LYPD6B: variants seen among roughly 807,000 people sequenced by gnomAD.
LYPD6B encodes the protein ly6/PLAUR domain-containing protein 6B.
Under a neutral mutation model 22.8 loss-of-function variants are expected in LYPD6B, and 17 were observed. The ratio of observed to expected loss-of-function variants is 0.75; its 90% CI spans 0.51 to 1.12. The LOEUF (loss-of-function observed/expected upper bound fraction) is 1.12. Ranked by LOEUF, LYPD6B falls within the 50% of genes most tolerant of loss-of-function variation. The pLI is 0.00. For missense variants in LYPD6B, 221 were observed against 258.3 expected (o/e 0.86, Z 0.99); for synonymous variants, 106 against 91.6 (o/e 1.16, Z -0.90).
chr2:149,141,831 C>CT (rs1035672527), intron 2 of LYPD6B, among the ~76,000 whole-genome samples: 2 of 152,196 alleles, frequency 1.3e-5, no homozygotes, highest in African/African-American at 4.8e-5. Flanking sequence ...GCCATGCTTC[C>CT]TCTAAGATCT....
chr2:149,195,000 C>A (rs1196963616), intron 3 of LYPD6B, among the ~76,000 whole-genome samples: 3 of 152,020 alleles, frequency 2.0e-5, no homozygotes, highest in African/African-American at 7.2e-5. Flanking sequence ...ATAATTTCCA[C>A]GTGGGTAACT....
At chr2:149,158,364 C>T (rs1439408785) in intron 2 of LYPD6B, among the ~76,000 whole-genome samples, 1 of 152,140 alleles carries the variant, frequency 6.6e-6, no homozygotes, top group East Asian at 1.9e-4. Flanking sequence ...CTGATACATA[C>T]TACCACATGG....
chr2:149,062,284 G>A (rs1684124614), intron 1 of LYPD6B, among the ~76,000 whole-genome samples: 1 of 152,188 alleles, frequency 6.6e-6, no homozygotes, highest in African/African-American at 2.4e-5. Flanking sequence ...ACCGCGCCCG[G>A]CAGAATCTTT....
At chr2:149,193,581 G>A (rs879767927) in intron 3 of LYPD6B, among the ~76,000 whole-genome samples, 1 of 152,072 alleles carries the variant, frequency 6.6e-6, no homozygotes, top group Non-Finnish European at 1.5e-5. Flanking sequence ...GGAAGGTGCA[G>A]GAAAGGGCTT....
chr2:149,044,727 T>C (rs373689679), intron 1 of LYPD6B, among the ~76,000 whole-genome samples: 127 of 152,198 alleles, frequency 8.3e-4, no homozygotes, highest in African/African-American at 2.9e-3. Flanking sequence ...TTAAGTATGA[T>C]GTTAGTTGAG....
At chr2:149,205,579 C>T (rs1024935575) in intron 4 of LYPD6B, among the ~76,000 whole-genome samples, 175 bp downstream of exon 4, 2 of 152,192 alleles carry the variant, frequency 1.3e-5, no homozygotes, top group African/African-American at 4.8e-5. Flanking sequence ...GTGAAATTTT[C>T]TCCATTTCCT....
intron 1 of LYPD6B, among the ~76,000 whole-genome samples, chr2:149,057,263 A>AAATGG (rs1383070913): frequency 1.3e-5 from 2 of 152,086 alleles, no homozygotes; most frequent in Non-Finnish European, 2.9e-5. Flanking sequence ...TCTATTGGCA[A>AAATGG]AATGGAATGC....
intron 1 of LYPD6B, among the ~76,000 whole-genome samples, chr2:149,100,191 C>A (rs140323575): frequency 0.011 from 1,697 of 152,028 alleles, 14 homozygotes; most frequent in Non-Finnish European, 0.015. Context: ...CGAACATAGC[C>A]CCTTGTCTTT....
chr2:149,204,671 A>G (rs1693392688), intron 3 of LYPD6B: 1 of 153,736 alleles, frequency 6.5e-6, no homozygotes. Flanking sequence ...GTTCACAACG[A>G]CTCTTGTCTC....
intron 3 of LYPD6B, among the ~76,000 whole-genome samples, chr2:149,196,588 A>G (rs1391413430): frequency 1.3e-5 from 2 of 152,234 alleles, no homozygotes; most frequent in African/African-American, 2.4e-5. Context: ...AAAGATAACC[A>G]TGTGGGTGCT....
At chr2:149,057,322 C>A (rs1353826530) in intron 1 of LYPD6B, among the ~76,000 whole-genome samples, 2 of 151,868 alleles carry the variant, frequency 1.3e-5, no homozygotes, top group East Asian at 3.9e-4. Flanking sequence ...TCTCCACAAA[C>A]CTTTCAAGTT....
At chr2:149,205,516 C>T in intron 4 of LYPD6B, 112 bp downstream of exon 4, 1 of 1,172,660 alleles carries the variant, frequency 8.5e-7, no homozygotes, top group Non-Finnish European at 1.2e-6. Flanking sequence ...TTTGTTTTAT[C>T]CCTAGAATAA....
chr2:149,109,191 T>C (rs985465282), intron 1 of LYPD6B, among the ~76,000 whole-genome samples: 1 of 152,218 alleles, frequency 6.6e-6, no homozygotes, highest in African/African-American at 2.4e-5. Context: ...TTATTTTAAA[T>C]TGAAAGACTT....
At chr2:149,165,316 G>A (rs961305140) in intron 3 of LYPD6B, among the ~76,000 whole-genome samples, 8 of 152,182 alleles carry the variant, frequency 5.3e-5, no homozygotes, top group Admixed American at 6.5e-5. Context: ...ATTGGAAATA[G>A]ACTCCACCTC....
At chr2:149,175,023 A>ATCTCTCTCTC (rs142556922) in intron 3 of LYPD6B, among the ~76,000 whole-genome samples, 55 of 125,828 alleles carry the variant, frequency 4.4e-4, no homozygotes, top group East Asian at 1.1e-3. Context: ...AATCTCTTTA[A>ATCTCTCTCTC]TCTCTCTCTC....
intron 3 of LYPD6B, among the ~76,000 whole-genome samples, chr2:149,168,561 G>T (rs924874084): frequency 5.3e-5 from 8 of 152,100 alleles, no homozygotes; most frequent in African/African-American, 1.9e-4. Context: ...TCTCACCATG[G>T]TCATTTCCAT....
intron 2 of LYPD6B, among the ~76,000 whole-genome samples, chr2:149,158,513 T>TG (rs1270876249): frequency 6.6e-6 from 1 of 152,126 alleles, no homozygotes; most frequent in Non-Finnish European, 1.5e-5. Context: ...TACCAGGGGC[T>TG]GAGGGTAGAG....
intron 1 of LYPD6B, chr2:149,068,808 A>G: frequency 2.2e-6 from 1 of 455,308 alleles, no homozygotes; most frequent in South Asian, 1.8e-5. Flanking sequence ...ATCATTTTGC[A>G]AGGCCCACAT....
chr2:149,103,686 G>C (rs1686324215), intron 1 of LYPD6B, among the ~76,000 whole-genome samples: 1 of 149,524 alleles, frequency 6.7e-6, no homozygotes, highest in African/African-American at 2.5e-5. Flanking sequence ...AGGCAGGGAA[G>C]TACTTTCTGC....
Sources: allele counts gnomAD v4.1 joint callset (sites outside exome capture counted in the v4.1 genomes callset), GRCh38; gene constraint gnomAD v4.1.1; transcripts MANE v1.5; gene names NCBI Gene and HGNC (gene_info 2026-07-23, HGNC 2026-07-21).